The following GRIP1 variants were observed in gnomAD, a reference collection of about 807,000 sequenced individuals.
The protein encoded by GRIP1 is glutamate receptor-interacting protein 1.
Under a neutral mutation model 129.9 loss-of-function variants are expected in GRIP1, and 45 were observed. The observed-to-expected ratio is 0.35, with a 90% CI of 0.27 to 0.44. The LOEUF is 0.44. Ranked by LOEUF, GRIP1 falls within the 20% of genes least tolerant of loss-of-function variation. The probability of loss-of-function intolerance (pLI) is 1.00; values close to 1 mark genes in which losing one functional copy is unlikely to be tolerated. For missense variants in GRIP1, 1,196 were observed against 1,396.8 expected, an observed-to-expected ratio of 0.86 and a Z score of 2.29; for synonymous variants, 530 against 520.8, an observed-to-expected ratio of 1.02 and a Z score of -0.24.
intron 1 of GRIP1, among the ~76,000 whole-genome samples, chr12:66,686,422 A>C (rs1209173098): frequency 6.6e-6 from 1 of 152,242 alleles, no homozygotes; most frequent in Non-Finnish European, 1.5e-5. Flanking sequence ...TCTAACATGC[A>C]TAATTATAGC....
chr12:66,513,310 T>C (rs1486120926), intron 7 of GRIP1, among the ~76,000 whole-genome samples: 2 of 152,162 alleles, frequency 1.3e-5, no homozygotes, highest in Non-Finnish European at 2.9e-5. Context: ...TTTTCCCTGC[T>C]TCCTTTTCTA....
intron 2 of GRIP1, among the ~76,000 whole-genome samples, chr12:66,553,893 C>T (rs1350534530): frequency 1.2e-4 from 19 of 152,058 alleles, no homozygotes; most frequent in Admixed American, 1.2e-3. Context: ...TCCTCCATCC[C>T]AGCAGTTGCC....
chr12:66,925,543 AAC>A (rs1439588299), intron 1 of GRIP1, among the ~76,000 whole-genome samples: 1 of 152,214 alleles, frequency 6.6e-6, no homozygotes, highest in African/African-American at 2.4e-5. Context: ...AAAACAAACA[AAC>A]ACAGAATGTC....
chr12:66,602,911 T>G (rs11176312), intron 1 of GRIP1, among the ~76,000 whole-genome samples: 4,699 of 135,858 alleles, frequency 0.035, 121 homozygotes, highest in Middle Eastern at 0.061. Flanking sequence ...CTGCCTGGAA[T>G]GCAGTGATAT....
At chr12:66,652,722 A>C (rs1028323551) in intron 1 of GRIP1, among the ~76,000 whole-genome samples, 1 of 152,210 alleles carries the variant, frequency 6.6e-6, no homozygotes, top group African/African-American at 2.4e-5. Flanking sequence ...CCATGTCCCC[A>C]TCACTCCAGG....
chr12:66,436,015 G>C (rs566332132), intron 13 of GRIP1, among the ~76,000 whole-genome samples: 7 of 152,276 alleles, frequency 4.6e-5, no homozygotes, highest in South Asian at 4.2e-4. Flanking sequence ...AAGAGGAAAA[G>C]GTCCAATATT....
At position 67,056,224 on chromosome 12, in the gene GRIP1, T is replaced by C. The variant is rs565474619; in HGVS notation, c.58+12826A>G. Among the ~76,000 whole-genome samples the C allele has an allele frequency of 3.9e-5, 6 of 152,308 alleles. No homozygotes were observed. In the South Asian group the frequency reaches 1.2e-3, roughly 32 times the overall value. On this transcript the variant is annotated intron_variant, in intron 1 of 1. Transcript: ENST00000643019. ...TGCATATAAATTCCATGGTCATGAA[T>C]TCAGACAGGACACAGTGAACATATC...
In GRIP1 at chr12:66,732,531, C is replaced by T. The variant is rs79028050; in HGVS notation, c.-420+71522G>A. 5.2e-3 allele frequency among the ~76,000 whole-genome samples: 783 copies of T among 151,136 alleles called. 3 individuals are homozygous for T. Among genetic ancestry groups the T allele is most frequent in the Admixed American group, 0.01 (158 of 15,192 alleles). On this transcript the variant is annotated intron_variant, in intron 1 of 4. Transcript: ENST00000538373. ...TTGTGTTACTTCACTCCAGACTGGG[C>T]GACACCGTCTCAAAACAAACAAACA...
At chr12:66,410,700 C>G (rs963856418) in intron 15 of GRIP1, among the ~76,000 whole-genome samples, 1 of 151,886 alleles carries the variant, frequency 6.6e-6, no homozygotes, top group East Asian at 1.9e-4. Flanking sequence ...CCTACAAGAT[C>G]TAAAAAATAG....
At chr12:66,714,688 CATT>C (rs1258458152) in intron 1 of GRIP1, among the ~76,000 whole-genome samples, 1 of 151,970 alleles carries the variant, frequency 6.6e-6, no homozygotes, top group Non-Finnish European at 1.5e-5. Context: ...AATTATGTGT[CATT>C]GTCTTATTTG....
At chr12:66,551,171 A>C (rs1178331393) in intron 2 of GRIP1, among the ~76,000 whole-genome samples, 1 of 152,228 alleles carries the variant, frequency 6.6e-6, no homozygotes, top group Non-Finnish European at 1.5e-5. Flanking sequence ...AAACGTTTTT[A>C]AGCATTTATA....
chr12:66,833,980 A>G (rs2039564193), intron 1 of GRIP1, among the ~76,000 whole-genome samples: 1 of 152,086 alleles, frequency 6.6e-6, no homozygotes, highest in Non-Finnish European at 1.5e-5. Flanking sequence ...GACCAGGCTG[A>G]CCAACCATGA....
rs554241485 is a variant in GRIP1, at chr12:66,814,950, GGGGA to G, written c.59-218027_59-218024del. 1.2e-4 allele frequency among the ~76,000 whole-genome samples: 18 copies of G among 152,170 alleles called. No homozygotes were observed. The South Asian group carries it at 3.7e-3, about 32-fold the overall frequency. Reference sequence around the variant, plus strand: ...TCACTCACTATCACAAGAACAGCATGGGGAAACCACTCCCATGATCCAATTACCT... The same window carrying G: ...TCACTCACTATCACAAGAACAGCATGAACCACTCCCATGATCCAATTACCT... On this transcript the variant is annotated intron_variant, in intron 1 of 1. Transcript: ENST00000643019.
At chr12:66,634,601 A>C (rs1259521202) in intron 1 of GRIP1, among the ~76,000 whole-genome samples, 4 of 152,274 alleles carry the variant, frequency 2.6e-5, no homozygotes, top group Admixed American at 6.5e-5. Context: ...AAAAATTTAA[A>C]TTGATCATAT....
At chr12:66,785,343 C>CATACAGACATATATAT (rs377630345) in intron 1 of GRIP1, among the ~76,000 whole-genome samples, 1 of 72,780 alleles carries the variant, frequency 1.4e-5, no homozygotes, top group African/African-American at 5.1e-5. Context: ...TACATACATA[C>CATACAGACATATATAT]ATATATATAT....
intron 1 of GRIP1, among the ~76,000 whole-genome samples, chr12:66,939,330 G>C (rs2041545601): frequency 6.7e-6 from 1 of 149,700 alleles, no homozygotes; most frequent in African/African-American, 2.4e-5. Flanking sequence ...CTGGGCGACA[G>C]AGCAAGACCC....
intron 24 of GRIP1, among the ~76,000 whole-genome samples, chr12:66,350,569 T>C (rs2054177818): frequency 6.6e-6 from 1 of 152,210 alleles, no homozygotes; most frequent in East Asian, 1.9e-4. Flanking sequence ...CTCTTCTTTG[T>C]TATAAGGCCA....
At chr12:66,444,781 G>C in intron 12 of GRIP1, 52 bp from the exon 13 acceptor site, 2 of 1,588,080 alleles carry the variant, frequency 1.3e-6, no homozygotes, top group Non-Finnish European at 1.7e-6. Context: ...TAATTACCAA[G>C]CTGAGCTTGC....
At chr12:67,012,658 G>A (rs2042727476) in intron 1 of GRIP1, among the ~76,000 whole-genome samples, 1 of 152,122 alleles carries the variant, frequency 6.6e-6, no homozygotes, top group Non-Finnish European at 1.5e-5. Context: ...TGAGACTCAG[G>A]ACTGCTAAGG....
Sources: gnomAD v4.1 joint callset for allele counts (sites outside exome capture counted in the v4.1 genomes callset) on GRCh38, gnomAD v4.1.1 for gene constraint, MANE v1.5 for transcripts, NCBI Gene and HGNC (gene_info 2026-07-23, HGNC 2026-07-21) for gene names.